The following KCNU1 variants were observed in gnomAD, a reference collection of about 807,000 sequenced individuals.
KCNU1 encodes the protein potassium channel subfamily U member 1.
Under a neutral mutation model 126.8 loss-of-function variants are expected in KCNU1, and 93 were observed. That is an observed-to-expected ratio of 0.73 (90% CI 0.62 to 0.87). The LOEUF is 0.87. KCNU1 is among the 40% of genes least tolerant of loss of function. The pLI is 0.00. For synonymous variants in KCNU1, 523 were observed against 494.2 expected, an observed-to-expected ratio of 1.06 and a Z score of -0.77; for missense variants, 1,330 against 1,367.1, an observed-to-expected ratio of 0.97 and a Z score of 0.43.
At position 36,845,801 on chromosome 8, in the gene KCNU1, G is replaced by T; in HGVS notation, c.1794-1G>T. ...ATTCTTGGTTTTCTTTCATTGTCCAGAGCCTTGTTTTACTGTTCAGTCTGT... is the reference window on the plus strand; with the variant it reads ...ATTCTTGGTTTTCTTTCATTGTCCATAGCCTTGTTTTACTGTTCAGTCTGT... On this transcript the variant is annotated splice_acceptor_variant, in intron 17 of 26. Transcript: ENST00000399881. LOFTEE classifies it high-confidence loss of function. 5 of 1,603,482 alleles carry T rather than the reference G, an allele frequency of 3.1e-6. No homozygotes were observed. The highest frequency in any genetic ancestry group is 4.3e-6 in the Non-Finnish European group (5 of 1,171,536).
At chr8:36,864,377 C>A in intron 18 of KCNU1, 27 bp from the exon 19 acceptor site, 2 of 1,320,668 alleles carry the variant, frequency 1.5e-6, no homozygotes, top group East Asian at 2.3e-5. Flanking sequence ...GATGTGCCAA[C>A]TCACTGAGAT....
At chr8:36,902,026 G>A (rs2117491990) in intron 19 of KCNU1, among the ~76,000 whole-genome samples, 1 of 152,224 alleles carries the variant, frequency 6.6e-6, no homozygotes, top group South Asian at 2.1e-4. Context: ...AGTAGAGTAT[G>A]TTTCTATGAG....
At chr8:36,907,816 A>C (rs1310716635) in intron 20 of KCNU1, among the ~76,000 whole-genome samples, 1 of 152,210 alleles carries the variant, frequency 6.6e-6, no homozygotes, top group African/African-American at 2.4e-5. Context: ...GGGAATGCTC[A>C]TGCTGCAAAT....
chr8:36,850,702 C>T (rs1585458736), intron 18 of KCNU1, among the ~76,000 whole-genome samples: 1 of 152,176 alleles, frequency 6.6e-6, no homozygotes, highest in East Asian at 1.9e-4. Context: ...AGTGAGCCAC[C>T]TGCCTCAATC....
rs551740680 is a variant in KCNU1, at chr8:36,812,239, G to A, written c.733-1968G>A. 8.6e-5 allele frequency among the ~76,000 whole-genome samples: 13 copies of A among 151,966 alleles called. No individual in the cohort carries two copies. The South Asian group carries it at 2.1e-3, about 24-fold the overall frequency. The stretch of plus-strand genomic sequence containing the variant: ...TACTAAAAATAGAAAAATTAGTCAG[G>A]TGTGGTGGCAGGCACCTGCAATCCC... On this transcript the variant is annotated intron_variant, in intron 7 of 26. Transcript: ENST00000399881.
intron 2 of KCNU1, among the ~76,000 whole-genome samples, chr8:36,793,018 G>A (rs918470486): frequency 1.3e-5 from 2 of 152,044 alleles, no homozygotes; most frequent in Non-Finnish European, 2.9e-5. Context: ...GGAATACTAT[G>A]CAGCCATAAA....
rs1021848292 is a variant in KCNU1 at position 36,845,429 on chromosome 8, C to T, written c.1704-151C>T. ...AACAAAGAATTACAAATGTCAAATTCACATTCTCCACTGTGTTTGGCAGTA... is the reference window on the plus strand; with the variant it reads ...AACAAAGAATTACAAATGTCAAATTTACATTCTCCACTGTGTTTGGCAGTA... On this transcript the variant is annotated intron_variant, in intron 16 of 26. Transcript: ENST00000399881. 2.7e-5 allele frequency: 16 copies of T among 594,258 alleles called. No homozygotes were observed. In the African/African-American group the frequency reaches 3.0e-4, roughly 11 times the overall value. The allele number at this position is 594,258 out of a possible 1,614,324, so 36.8% of individuals were successfully genotyped here. A position where few individuals can be genotyped will look rare whatever the true frequency, so the allele number is the denominator to read the frequency against.
Position 36,815,704 on chromosome 8 carries a change from G to C in KCNU1, c.995+17G>C. The stretch of plus-strand genomic sequence containing the variant: ...AGGAAAGAAGTAAGTAGTGTTTTAA[G>C]TATAATTTCTACAGTTTAAGAAATT... On this transcript the variant is annotated intron_variant, in intron 9 of 26. Transcript: ENST00000399881. 1.5e-6 allele frequency: 2 copies of C among 1,379,254 alleles called. No individual in the cohort carries two copies. The highest frequency in any genetic ancestry group is 2.0e-6 in the Non-Finnish European group (2 of 983,180). 85.4% of individuals were successfully genotyped at this position (1,379,254 alleles called of 1,614,324 possible).
chr8:36,811,583 G>A (rs994545713), intron 7 of KCNU1, among the ~76,000 whole-genome samples: 1 of 152,154 alleles, frequency 6.6e-6, no homozygotes, highest in African/African-American at 2.4e-5. Context: ...ATAAAATTCA[G>A]CCACACAGGA....
intron 19 of KCNU1, among the ~76,000 whole-genome samples, chr8:36,889,782 G>A (rs1806882304): frequency 1.3e-5 from 2 of 151,856 alleles, no homozygotes; most frequent in Admixed American, 1.3e-4. Flanking sequence ...TCAGAAAACA[G>A]GTAGGATACA....
intron 8 of KCNU1, 112 bp from the exon 9 acceptor site, chr8:36,815,484 C>T (rs1803874635): frequency 1.8e-6 from 1 of 563,466 alleles, no homozygotes; most frequent in Non-Finnish European, 3.2e-6. Flanking sequence ...ATCATGTGCT[C>T]TTAGATGACA....
intron 7 of KCNU1, among the ~76,000 whole-genome samples, chr8:36,813,000 T>C (rs895730223): frequency 6.6e-6 from 1 of 152,210 alleles, no homozygotes; most frequent in Admixed American, 6.5e-5. Flanking sequence ...GGATTTTAGC[T>C]TAAAGGGAAC....
chr8:36,852,270 G>A (rs1050048133), intron 18 of KCNU1, among the ~76,000 whole-genome samples: 1 of 151,998 alleles, frequency 6.6e-6, no homozygotes, highest in African/African-American at 2.4e-5. Context: ...GGTTTGATTT[G>A]CTAGCATTTT....
chr8:36,909,522 TATAC>T lies in KCNU1; in HGVS notation c.2321_2324del (p.Tyr774PhefsTer17). ...CGATTTCTCTGGAATTTTCCCCAGA[TATAC>T]ATTCTGCCTGTAAGTATCATATAAG... On this transcript the variant is annotated frameshift_variant, in exon 21 of 27. Coordinates refer to ENST00000399881, the MANE Select transcript of KCNU1 (RefSeq NM_001031836.3). LOFTEE classifies it high-confidence loss of function. 3 of 1,587,050 alleles carry T rather than the reference TATAC, an allele frequency of 1.9e-6. No homozygotes were observed. The highest frequency in any genetic ancestry group is 2.6e-6 in the Non-Finnish European group (3 of 1,155,414).
intron 18 of KCNU1, among the ~76,000 whole-genome samples, chr8:36,849,179 T>C (rs1805254811): frequency 1.3e-5 from 2 of 152,072 alleles, no homozygotes; most frequent in African/African-American, 4.8e-5. Context: ...TAGATTTACC[T>C]ATACTGGTCA....
intron 2 of KCNU1, among the ~76,000 whole-genome samples, chr8:36,790,901 A>C (rs1184278448): frequency 6.6e-6 from 1 of 152,074 alleles, no homozygotes; most frequent in Non-Finnish European, 1.5e-5. Context: ...ATACCCTACA[A>C]ACTAATGCCC....
intron 23 of KCNU1, among the ~76,000 whole-genome samples, chr8:36,920,181 AACTC>A (rs1169029972): frequency 1.3e-5 from 2 of 152,094 alleles, no homozygotes; most frequent in Non-Finnish European, 2.9e-5. Flanking sequence ...TTGGTTCCAT[AACTC>A]ACTCACTCTC....
At chr8:36,817,818 AT>A in intron 10 of KCNU1, 58 bp downstream of exon 10, 1 of 813,500 alleles carries the variant, frequency 1.2e-6, no homozygotes, top group Non-Finnish European at 2.1e-6. Context: ...ACGTGTGAAT[AT>A]TTTTAATGCA....
intron 10 of KCNU1, among the ~76,000 whole-genome samples, chr8:36,824,247 G>A (rs182476018): frequency 4.2e-4 from 64 of 152,216 alleles, no homozygotes; most frequent in Admixed American, 1.6e-3. Flanking sequence ...AAATAAAGTA[G>A]TGCCTCCTTA....
Sources: gnomAD v4.1 joint callset for allele counts (sites outside exome capture counted in the v4.1 genomes callset) on GRCh38, gnomAD v4.1.1 for gene constraint, MANE v1.5 for transcripts, NCBI Gene and HGNC (gene_info 2026-07-23, HGNC 2026-07-21) for gene names.